WDR97: variants seen among roughly 807,000 people sequenced by gnomAD.
WDR97 encodes the protein WD repeat domain 97, also known as WD repeat-containing protein 97.
WDR97 carries 111 observed loss-of-function variants against 65.4 expected under a neutral mutation model. The observed-to-expected ratio is 1.70, with a 90% confidence interval of 1.45 to 1.99. The LOEUF is 1.99. Among genes scored for constraint, WDR97 ranks in the 30% most tolerant of loss-of-function variants. The probability of loss-of-function intolerance (pLI) is 0.00; values close to 1 mark genes in which losing one functional copy is unlikely to be tolerated. For missense variants in WDR97, 1,674 were observed against 865.0 expected, an observed-to-expected ratio of 1.94 and a Z score of -11.73; for synonymous variants, 802 against 397.7, an observed-to-expected ratio of 2.02 and a Z score of -12.10.
chr8:144,111,179 C>G lies in WDR97; in HGVS notation c.2383C>G (p.Gln795Glu). Residue 795 changes from glutamine (Q) to glutamate (E), a missense_variant, in exon 10 of 24, where the codon CAA (glutamine) becomes GAA (glutamate). Physicochemically the swap from Gln to Glu is conservative, Grantham distance 29 (BLOSUM62 2). Transcript: ENST00000323662. ...LMSQESLTSAQLQRLTNLHGA... is the reference protein window; with the variant it reads ...LMSQESLTSAELQRLTNLHGA... ...GAGCCAGGAGTCACTGACTTCCGCC[C>G]AACTGCAGAGGCTCACCAACCTCCA... The G allele has an allele frequency of 1.4e-6, 1 of 702,798 alleles. No individual in the cohort carries two copies. The highest frequency in any genetic ancestry group is 1.5e-5 in the South Asian group (1 of 67,606). 43.5% of individuals were successfully genotyped at this position (702,798 alleles called of 1,614,324 possible). A position where few individuals can be genotyped will look rare whatever the true frequency, so the allele number is the denominator to read the frequency against.
chr8:144,113,415 C>A, intron 15 of WDR97, 25 bp from the exon 16 acceptor site: 1 of 701,658 alleles, frequency 1.4e-6, no homozygotes, highest in South Asian at 1.5e-5. Flanking sequence ...AGGTCCTCAG[C>A]ATTCCCTGCT....
At position 144,111,167 on chromosome 8, in the gene WDR97, C is replaced by T. The variant is rs1245556084; in HGVS notation, c.2371C>T (p.Leu791=). 4 of 702,690 alleles carry T rather than the reference C, an allele frequency of 5.7e-6. No homozygotes were observed. In the East Asian group the frequency reaches 1.1e-4, roughly 19 times the overall value. The allele number at this position is 702,690 out of a possible 1,614,324, so 43.5% of individuals were successfully genotyped here. Residue 791 remains leucine (L), a synonymous_variant, in exon 10 of 24, where the codon CTG becomes TTG. Transcript: ENST00000323662. The part of the protein sequence containing the change: ...PPLPLMSQES[L]TSAQLQRLTN... ...GCTGCCACTGATGAGCCAGGAGTCA[C>T]TGACTTCCGCCCAACTGCAGAGGCT... is the stretch of plus-strand genomic sequence containing the variant.
chr8:144,113,324 G>A, intron 15 of WDR97, 116 bp from the exon 16 acceptor site: 1 of 668,420 alleles, frequency 1.5e-6, no homozygotes, highest in Non-Finnish European at 2.7e-6. Context: ...CGGAGGCCTG[G>A]CAGGCAGAGC....
chr8:144,113,199 C>A, intron 15 of WDR97: 1 of 564,258 alleles, frequency 1.8e-6, no homozygotes, highest in Non-Finnish European at 3.1e-6. Flanking sequence ...AGCACTTCTC[C>A]AGGTTTCCCT....
rs755610474 is a variant in WDR97, at chr8:144,116,700, C to T, written c.*407C>T. ...GAGTCCGGGAGGGCCTGGGCGGTCC[C>T]AGGATGAGCCTTCCGGGTCGATGCA... On this transcript the variant is annotated 3_prime_UTR_variant, in exon 24 of 24. Transcript: ENST00000323662. 28 of 170,416 alleles carry T rather than the reference C, an allele frequency of 1.6e-4. No individual in the cohort carries two copies. The highest frequency in any genetic ancestry group is 9.5e-4 in the Admixed American group (15 of 15,788). The allele number at this position is 170,416 out of a possible 1,614,324, so 10.6% of individuals were successfully genotyped here.
rs775704132 is a variant in WDR97, at chr8:144,115,810, C to T, written c.4547C>T (p.Thr1516Met). The change falls in exon 22 of 24, where the codon ACG (threonine) becomes ATG (methionine). Residue 1516 changes from threonine to methionine, a missense_variant. Coordinates refer to ENST00000323662, the MANE Select transcript of WDR97 (RefSeq NM_001316309.2). The part of the protein sequence containing the change: ...AAHPHPPEPY[T>M]VAPVPDMVVP... ...CACCCACACCCGCCAGAGCCCTACA[C>T]GGTGGCGCCGGTGCCCGACATGGTG... 12 of 688,478 alleles carry T rather than the reference C, an allele frequency of 1.7e-5. No individual in the cohort carries two copies. Among genetic ancestry groups the T allele is most frequent in the South Asian group, 1.1e-4 (7 of 66,124 alleles). The allele number at this position is 688,478 out of a possible 1,614,324, so 42.6% of individuals were successfully genotyped here.
chr8:144,109,315 G>A lies in WDR97; in HGVS notation c.1001-20G>A, dbSNP rs1478156952. The A allele has an allele frequency of 1.4e-6, 1 of 701,492 alleles. No individual in the cohort carries two copies. Among genetic ancestry groups the A allele is most frequent in the Admixed American group, 2.0e-5 (1 of 49,898 alleles). 43.5% of individuals were successfully genotyped at this position (701,492 alleles called of 1,614,324 possible). A position where few individuals can be genotyped will look rare whatever the true frequency, so the allele number is the denominator to read the frequency against. On this transcript the variant is annotated intron_variant, in intron 4 of 23. Transcript: ENST00000323662. The stretch of plus-strand genomic sequence containing the variant: ...CTCCCCTGCCTTCAGTCGGCCGAGT[G>A]ACCTGCACCCCTCCCACAGGCCCGG...
At chr8:144,107,993 C>T (rs149085867) in intron 1 of WDR97, 66 bp from the exon 2 acceptor site, 1 of 702,042 alleles carries the variant, frequency 1.4e-6, no homozygotes, top group Admixed American at 2.0e-5. Context: ...GAGGAGGGCT[C>T]CCCATAACCG....
At position 144,109,610 on chromosome 8, in the gene WDR97, C is replaced by T. The variant is rs756970824; in HGVS notation, c.1276C>T (p.Leu426Phe). ...GTTGGCGCAACTGCCCGCCAAGGTG[C>T]TCCACGTGCAGGTGGCGCCCGCGTT... ...SPLAQLPAKV[L>F]HVQVAPALPA... is the part of the protein sequence containing the mutation. The change falls in exon 5 of 24, where the codon CTC becomes TTC. Residue 426 changes from leucine (L) to phenylalanine (F), a missense_variant. By Grantham distance (22) the Leu-to-Phe change is conservative. Coordinates refer to ENST00000323662, the MANE Select transcript of WDR97 (RefSeq NM_001316309.2). The T allele has an allele frequency of 8.7e-6, 6 of 687,934 alleles. No individual in the cohort carries two copies. The South Asian group carries it at 9.0e-5, about 10-fold the overall frequency. 42.6% of individuals were successfully genotyped at this position (687,934 alleles called of 1,614,324 possible). A position where few individuals can be genotyped will look rare whatever the true frequency, so the allele number is the denominator to read the frequency against.
intron 1 of WDR97, 61 bp downstream of exon 1, chr8:144,107,923 T>G: frequency 1.4e-6 from 1 of 702,542 alleles, no homozygotes; most frequent in South Asian, 1.5e-5. Flanking sequence ...CATTCGGGCT[T>G]GGGTTCCGTC....
rs887365169 is a variant in WDR97 at position 144,115,972 on chromosome 8, C to T, written c.4625C>T (p.Ala1542Val). 7 of 700,894 alleles carry T rather than the reference C, an allele frequency of 1.0e-5. No homozygotes were observed. In the African/African-American group the frequency reaches 1.2e-4, roughly 12 times the overall value. The allele number at this position is 700,894 out of a possible 1,614,324, so 43.4% of individuals were successfully genotyped here. A position where few individuals can be genotyped will look rare whatever the true frequency, so the allele number is the denominator to read the frequency against. The change falls in exon 23 of 24, where the codon GCC becomes GTC. Residue 1542 changes from alanine to valine, a missense_variant. Physicochemically the swap from Ala to Val is moderately conservative, Grantham distance 64. Transcript: ENST00000323662. ...CACCCCATCCTCCGGCTGCAGGAGG[C>T]CAAGCCGCAGAGGTCCGCGAGGTCC... ...WYHPILRLQE[A>V]KPQRSARSAM...
At position 144,115,449 on chromosome 8, in the gene WDR97, G is replaced by A; in HGVS notation, c.4186G>A (p.Val1396Ile). 1 of 690,694 alleles carries A rather than the reference G, an allele frequency of 1.4e-6. No individual in the cohort carries two copies. The highest frequency in any genetic ancestry group is 1.5e-5 in the South Asian group (1 of 67,080). The allele number at this position is 690,694 out of a possible 1,614,324, so 42.8% of individuals were successfully genotyped here. The change falls in exon 22 of 24, where the codon GTC (valine) becomes ATC (isoleucine). Residue 1396 changes from valine to isoleucine, a missense_variant. Physicochemically the swap from Val to Ile is conservative, Grantham distance 29 (BLOSUM62 3). Transcript: ENST00000323662. ...ASGIFGRLSQ[V>I]SEVPLMVVSP... ...CGGCATCTTCGGGAGGCTCTCGCAG[G>A]TCTCAGAGGTGCCTTTGATGGTGGT...
chr8:144,108,008 G>C (rs1437450568), intron 1 of WDR97, 51 bp from the exon 2 acceptor site: 2 of 702,498 alleles, frequency 2.8e-6, no homozygotes, highest in Admixed American at 4.0e-5. Flanking sequence ...TAACCGTCAG[G>C]GTCGAGGACC....
Position 144,108,390 on chromosome 8 carries a change from CGG to C in WDR97, c.326_327del (p.Gly109AlafsTer213). The C allele has an allele frequency of 1.4e-6, 1 of 697,516 alleles. No individual in the cohort carries two copies. The highest frequency in any genetic ancestry group is 2.6e-6 in the Non-Finnish European group (1 of 383,022). 43.2% of individuals were successfully genotyped at this position (697,516 alleles called of 1,614,324 possible). A position where few individuals can be genotyped will look rare whatever the true frequency, so the allele number is the denominator to read the frequency against. The stretch of plus-strand genomic sequence containing the variant: ...CACTGCGCCGCCTGGAGGTGGCAGC[CGG>C]GCTGCGCTCGGTGGCGCAGGACCCG... Reference protein sequence around the residue: ...EPLRRLEVAAGLRSVAQDPVG... With the variant: ...EPLRRLEVAAXLRSVAQDPVG... On this transcript the variant is annotated frameshift_variant, in exon 3 of 24. Transcript: ENST00000323662. LOFTEE classifies it high-confidence loss of function.
rs1814804171 is a variant in WDR97, at chr8:144,117,951, G to A, written c.*1658G>A. 6.6e-6 allele frequency: 1 copy of A among 152,190 alleles called. No homozygotes were observed. The highest frequency in any genetic ancestry group is 1.5e-5 in the Non-Finnish European group (1 of 68,054). 9.4% of individuals were successfully genotyped at this position (152,190 alleles called of 1,614,324 possible). ...TATCTCCAAGACAGCAAAGGCAGGG[G>A]AAAGTCCTGCCTTGGGGAGAAAAAG... On this transcript the variant is annotated 3_prime_UTR_variant, in exon 24 of 24. Coordinates refer to ENST00000323662, the MANE Select transcript of WDR97 (RefSeq NM_001316309.2).
Position 144,107,858 on chromosome 8 carries a change from G to A in WDR97, c.108G>A (p.Lys36=). 1 of 702,828 alleles carries A rather than the reference G, an allele frequency of 1.4e-6. No individual in the cohort carries two copies. Among genetic ancestry groups the A allele is most frequent in the Non-Finnish European group, 2.6e-6 (1 of 384,986 alleles). The allele number at this position is 702,828 out of a possible 1,614,324, so 43.5% of individuals were successfully genotyped here. ...CAGACCCTGGGCTGCTCACCGAAAAGAATGGTGAGGGGGCCTGGCCTCGCC... is the reference window on the plus strand; with the variant it reads ...CAGACCCTGGGCTGCTCACCGAAAAAAATGGTGAGGGGGCCTGGCCTCGCC... The part of the protein sequence containing the change: ...DVPDPGLLTE[K]NELTFTEPSQ... Residue 36 remains lysine, a synonymous_variant, in exon 1 of 24, where the codon AAG becomes AAA. Transcript: ENST00000323662.
At position 144,109,381 on chromosome 8, in the gene WDR97, G is replaced by A. The variant is rs1340335343; in HGVS notation, c.1047G>A (p.Leu349=). The A allele has an allele frequency of 1.4e-6, 1 of 702,522 alleles. No individual in the cohort carries two copies. The highest frequency in any genetic ancestry group is 1.7e-5 in the African/African-American group (1 of 57,274). 43.5% of individuals were successfully genotyped at this position (702,522 alleles called of 1,614,324 possible). Residue 349 remains leucine, a synonymous_variant, in exon 5 of 24, where the codon TTG becomes TTA. Coordinates refer to ENST00000323662, the MANE Select transcript of WDR97 (RefSeq NM_001316309.2). ...MTVLPNTTLV[L]SASQDGTLRT... is the part of the protein sequence containing the mutation. Reference sequence around the variant, plus strand: ...TGCTCCCGAACACGACCCTGGTGTTGTCGGCCTCGCAGGACGGGACGCTAC... The same window carrying A: ...TGCTCCCGAACACGACCCTGGTGTTATCGGCCTCGCAGGACGGGACGCTAC...
chr8:144,110,044 G>A lies in WDR97; in HGVS notation c.1700+10G>A, dbSNP rs1238790132. ...GGAAGAACAAGAACCGGTGGGTGCG[G>A]GAGCCGGCGAGGGTCTGGCGGGCGG... is the stretch of plus-strand genomic sequence containing the variant. On this transcript the variant is annotated intron_variant, in intron 5 of 23. Coordinates refer to ENST00000323662, the MANE Select transcript of WDR97 (RefSeq NM_001316309.2). 1 of 696,572 alleles carries A rather than the reference G, an allele frequency of 1.4e-6. No homozygotes were observed. The highest frequency in any genetic ancestry group is 2.6e-6 in the Non-Finnish European group (1 of 380,606). 43.1% of individuals were successfully genotyped at this position (696,572 alleles called of 1,614,324 possible). A position where few individuals can be genotyped will look rare whatever the true frequency, so the allele number is the denominator to read the frequency against.
At position 144,109,958 on chromosome 8, in the gene WDR97, T is replaced by G; in HGVS notation, c.1624T>G (p.Ser542Ala). ...CACGGATCTCGAAGGCGCCTTCTCC[T>G]CCTGGGAGATCGTGCGCCAGCACTG... ...HLTDLEGAFS[S>A]WEIVRQHWGE... The change falls in exon 5 of 24, where the codon TCC (serine) becomes GCC (alanine). Residue 542 changes from serine to alanine, a missense_variant. Transcript: ENST00000323662. 1.4e-6 allele frequency: 1 copy of G among 701,778 alleles called. No homozygotes were observed. Among genetic ancestry groups the G allele is most frequent in the Non-Finnish European group, 2.6e-6 (1 of 384,500 alleles). 43.5% of individuals were successfully genotyped at this position (701,778 alleles called of 1,614,324 possible).
Sources: gnomAD v4.1 joint callset for allele counts on GRCh38, gnomAD v4.1.1 for gene constraint, MANE v1.5 for transcripts, NCBI Gene and HGNC (gene_info 2026-07-23, HGNC 2026-07-21) for gene names.